The following LRRC4C variants were observed in gnomAD, a reference collection of about 807,000 sequenced individuals.
LRRC4C encodes leucine-rich repeat-containing protein 4C.
In LRRC4C, 5 loss-of-function variants were observed where a neutral mutation model predicts 33.6. The observed-to-expected ratio is 0.15, with a 90% CI of 0.08 to 0.31. LRRC4C has a LOEUF of 0.31. Ranked by LOEUF, LRRC4C falls within the 10% of genes least tolerant of loss-of-function variation. The probability of loss-of-function intolerance (pLI) is 1.00; values close to 1 mark genes in which losing one functional copy is unlikely to be tolerated. For missense variants in LRRC4C, 560 were observed against 796.7 expected (o/e 0.70, Z 3.58); for synonymous variants, 329 against 302.0 (o/e 1.09, Z -0.93).
chr11:41,154,710 G>A (rs1163632659), intron 1 of LRRC4C, among the ~76,000 whole-genome samples: 1 of 152,118 alleles, frequency 6.6e-6, no homozygotes, highest in East Asian at 1.9e-4. Context: ...TGGCAAGAAA[G>A]AAGACAGCCA....
At chr11:40,736,268 G>C (rs1947861902) in intron 2 of LRRC4C, among the ~76,000 whole-genome samples, 1 of 151,928 alleles carries the variant, frequency 6.6e-6, no homozygotes, top group African/African-American at 2.4e-5. Flanking sequence ...GCAGTGTTTG[G>C]TTTTCTGTTC....
intron 2 of LRRC4C, among the ~76,000 whole-genome samples, chr11:40,916,273 A>G (rs187199800): frequency 6.6e-6 from 1 of 152,334 alleles, no homozygotes; most frequent in Admixed American, 6.5e-5. Context: ...CACTATTCAC[A>G]ATAGCAAAGA....
intron 1 of LRRC4C, among the ~76,000 whole-genome samples, chr11:41,326,120 T>C (rs1951110099): frequency 6.6e-6 from 1 of 151,276 alleles, no homozygotes; most frequent in African/African-American, 2.5e-5. Flanking sequence ...CCCACCTCAA[T>C]CTTGGTGGGC....
At position 40,879,214 on chromosome 11, in the gene LRRC4C, G is replaced by T. The variant is rs568834231; in HGVS notation, c.-407+54421C>A. ...ACAAACACAGAAAACTCAAGCTTTT[G>T]AATATTAAAGGTTTAAAATCTTAAG... On this transcript the variant is annotated intron_variant, in intron 2 of 6. Coordinates refer to ENST00000528697, the MANE Select transcript of LRRC4C (RefSeq NM_001258419.2). Among the ~76,000 whole-genome samples, 296 of 152,132 alleles carry T rather than the reference G, an allele frequency of 1.9e-3. 2 individuals are homozygous for T. The highest frequency in any genetic ancestry group is 6.9e-3 in the African/African-American group (288 of 41,518).
At chr11:40,840,104 C>A (rs1952848867) in intron 2 of LRRC4C, among the ~76,000 whole-genome samples, 1 of 152,258 alleles carries the variant, frequency 6.6e-6, no homozygotes, top group Non-Finnish European at 1.5e-5. Flanking sequence ...ACTTGTGTAA[C>A]TTCTATCGAC....
chr11:41,091,951 G>A (rs1009740032), intron 1 of LRRC4C, among the ~76,000 whole-genome samples: 1 of 151,876 alleles, frequency 6.6e-6, no homozygotes, highest in Non-Finnish European at 1.5e-5. Flanking sequence ...TGCCTATAAG[G>A]AATTATCATA....
chr11:40,168,874 A>C (rs1036840573), intron 5 of LRRC4C, among the ~76,000 whole-genome samples: 9 of 152,316 alleles, frequency 5.9e-5, no homozygotes, highest in African/African-American at 2.2e-4. Flanking sequence ...AAATCAAATC[A>C]GTGCTGCCCC....
chr11:40,558,996 A>G (rs1039790112), intron 3 of LRRC4C, among the ~76,000 whole-genome samples: 1 of 152,126 alleles, frequency 6.6e-6, no homozygotes, highest in Admixed American at 6.5e-5. Flanking sequence ...TAAAGATAAT[A>G]GTTTTCACCT....
chr11:41,018,697 T>C (rs923841803), intron 1 of LRRC4C, among the ~76,000 whole-genome samples: 1 of 152,170 alleles, frequency 6.6e-6, no homozygotes, highest in African/African-American at 2.4e-5. Flanking sequence ...CCTCTCTTGC[T>C]ACCAAAAGCT....
intron 2 of LRRC4C, among the ~76,000 whole-genome samples, chr11:40,836,354 C>G (rs1459450598): frequency 6.6e-6 from 1 of 152,184 alleles, no homozygotes; most frequent in East Asian, 1.9e-4. Context: ...TAAGGCCTCA[C>G]TCATTCTGTT....
chr11:40,619,061 GTTCT>G (rs1292381314), intron 3 of LRRC4C, among the ~76,000 whole-genome samples: 3 of 151,638 alleles, frequency 2.0e-5, no homozygotes, highest in Non-Finnish European at 4.4e-5. Context: ...AACATCACAT[GTTCT>G]TACTTATTCG....
At chr11:40,640,581 C>T (rs1942045453) in intron 3 of LRRC4C, among the ~76,000 whole-genome samples, 1 of 151,860 alleles carries the variant, frequency 6.6e-6, no homozygotes, top group Non-Finnish European at 1.5e-5. Context: ...GGAATCTCTC[C>T]TCCTAACCAA....
At chr11:40,585,386 T>C (rs1958675534) in intron 3 of LRRC4C, among the ~76,000 whole-genome samples, 1 of 151,962 alleles carries the variant, frequency 6.6e-6, no homozygotes. Flanking sequence ...GGGTTTCCAG[T>C]GAGAAACTAA....
chr11:41,366,139 T>A (rs1180965994), intron 1 of LRRC4C, among the ~76,000 whole-genome samples: 1 of 152,104 alleles, frequency 6.6e-6, no homozygotes, highest in Non-Finnish European at 1.5e-5. Context: ...GTAAATTATA[T>A]AAGCATATAT....
intron 2 of LRRC4C, among the ~76,000 whole-genome samples, chr11:40,750,741 A>T (rs1948652496): frequency 6.6e-6 from 1 of 151,512 alleles, no homozygotes; most frequent in Non-Finnish European, 1.5e-5. Context: ...AACATGGCAC[A>T]TGTATACATA....
chr11:40,952,846 C>G (rs1958759827), intron 1 of LRRC4C, among the ~76,000 whole-genome samples: 1 of 82,482 alleles, frequency 1.2e-5, no homozygotes, highest in Non-Finnish European at 2.5e-5. Flanking sequence ...CTGTCTATTT[C>G]CAAACACACA....
chr11:40,243,687 C>A lies in LRRC4C; in HGVS notation c.-175-2089G>T, dbSNP rs112738966. Among the ~76,000 whole-genome samples the A allele has an allele frequency of 7.3e-4, 86 of 117,166 alleles. 1 individual carries two copies. Among genetic ancestry groups the A allele is most frequent in the African/African-American group, 2.7e-3 (84 of 30,646 alleles). 76.9% of individuals were successfully genotyped at this position (117,166 alleles called of 152,430 possible). A position where few individuals can be genotyped will look rare whatever the true frequency, so the allele number is the denominator to read the frequency against. ...CTAGACATACGGAAAAAACTTATATCTTTTTTTTTTTTTTTTTTTTGAGAC... is the reference window on the plus strand; with the variant it reads ...CTAGACATACGGAAAAAACTTATATATTTTTTTTTTTTTTTTTTTTGAGAC... On this transcript the variant is annotated intron_variant, in intron 4 of 6. Coordinates refer to ENST00000528697, the MANE Select transcript of LRRC4C (RefSeq NM_001258419.2).
intron 4 of LRRC4C, among the ~76,000 whole-genome samples, chr11:40,299,864 G>A (rs987801886): frequency 6.6e-6 from 1 of 152,212 alleles, no homozygotes; most frequent in Non-Finnish European, 1.5e-5. Flanking sequence ...AGACAGAGGA[G>A]ACAGTAGCTA....
At chr11:40,904,383 A>G (rs1956332369) in intron 2 of LRRC4C, among the ~76,000 whole-genome samples, 1 of 152,070 alleles carries the variant, frequency 6.6e-6, no homozygotes, top group African/African-American at 2.4e-5. Context: ...ATAAATAAAT[A>G]GCACATCTGC....
Sources: allele counts gnomAD v4.1 joint callset (sites outside exome capture counted in the v4.1 genomes callset), GRCh38; gene constraint gnomAD v4.1.1; transcripts MANE v1.5; gene names NCBI Gene and HGNC (gene_info 2026-07-23, HGNC 2026-07-21).